The following GABPB2 variants were observed in gnomAD, a reference collection of about 807,000 sequenced individuals.
The protein encoded by GABPB2 is GA-binding protein subunit beta-2.
GABPB2 carries 23 observed loss-of-function variants against 39.1 expected under a neutral mutation model. The observed-to-expected ratio is 0.59, with a 90% CI of 0.42 to 0.83. The LOEUF (loss-of-function observed/expected upper bound fraction) is 0.83, where lower values mean the gene tolerates loss of function less well. GABPB2 is among the 40% of genes least tolerant of loss of function. The probability of loss-of-function intolerance (pLI) is 0.00; values close to 1 mark genes in which losing one functional copy is unlikely to be tolerated. For missense variants in GABPB2, 467 were observed against 541.1 expected, an observed-to-expected ratio of 0.86 and a Z score of 1.36; for synonymous variants, 184 against 199.3, an observed-to-expected ratio of 0.92 and a Z score of 0.65.
intron 4 of GABPB2, among the ~76,000 whole-genome samples, chr1:151,095,880 A>G (rs1197786240): frequency 6.6e-6 from 1 of 152,000 alleles, no homozygotes; most frequent in East Asian, 1.9e-4. Flanking sequence ...CTAAAAATAC[A>G]GAAATTAGCT....
At chr1:151,109,066 T>A (rs1680181547) in intron 7 of GABPB2, among the ~76,000 whole-genome samples, 1 of 151,844 alleles carries the variant, frequency 6.6e-6, no homozygotes, top group Admixed American at 6.6e-5. Context: ...TGGCACGTGC[T>A]TATAGTCCCA....
chr1:151,088,439 A>G (rs1009756955), intron 2 of GABPB2, 142 bp downstream of exon 2: 8 of 1,354,074 alleles, frequency 5.9e-6, no homozygotes, highest in Non-Finnish European at 8.1e-6. Flanking sequence ...TCTTTGTCTC[A>G]TCTGAATATG....
At position 151,124,023 on chromosome 1, in the gene GABPB2, G is replaced by A. The variant is rs1339530499; in HGVS notation, c.*5767G>A. Reference sequence around the variant, plus strand: ...ACTAAAAATACAAAAATTAGCCGGGGGTGGTGGCGCATCATCATACTGGTG... The same window carrying A: ...ACTAAAAATACAAAAATTAGCCGGGAGTGGTGGCGCATCATCATACTGGTG... On this transcript the variant is annotated 3_prime_UTR_variant, in exon 9 of 9. Transcript: ENST00000368918. 6.8e-6 allele frequency: 1 copy of A among 146,450 alleles called. No homozygotes were observed. Among genetic ancestry groups the A allele is most frequent in the Non-Finnish European group, 1.5e-5 (1 of 66,822 alleles). The allele number at this position is 146,450 out of a possible 1,614,324, so 9.1% of individuals were successfully genotyped here.
chr1:151,102,498 A>G (rs912830734), intron 5 of GABPB2, among the ~76,000 whole-genome samples: 1 of 152,134 alleles, frequency 6.6e-6, no homozygotes, highest in Non-Finnish European at 1.5e-5. Context: ...GCTGAAGTGC[A>G]GTGGTGCGAT....
At chr1:151,089,652 T>C (rs1303054396) in intron 2 of GABPB2, among the ~76,000 whole-genome samples, 2 of 152,130 alleles carry the variant, frequency 1.3e-5, no homozygotes, top group Non-Finnish European at 2.9e-5. Flanking sequence ...TTACTTTATT[T>C]ATTTATTTTT....
Position 151,121,264 on chromosome 1 carries a change from G to GC in GABPB2, c.*3009dup, listed in dbSNP as rs1471958426. On this transcript the variant is annotated 3_prime_UTR_variant, in exon 9 of 9. Transcript: ENST00000368918. The stretch of plus-strand genomic sequence containing the variant: ...TCCTTAAGCTTGGGTCTGTTACAGA[G>GC]CTTTGTGCCTTATAGGGTGCTCAGT... The GC allele has an allele frequency of 6.6e-6, 1 of 152,138 alleles. No individual in the cohort carries two copies. The highest frequency in any genetic ancestry group is 1.5e-5 in the Non-Finnish European group (1 of 68,030). 9.4% of individuals were successfully genotyped at this position (152,138 alleles called of 1,614,324 possible). A position where few individuals can be genotyped will look rare whatever the true frequency, so the allele number is the denominator to read the frequency against.
chr1:151,075,595 G>T (rs1283453947), intron 1 of GABPB2, among the ~76,000 whole-genome samples: 1 of 136,126 alleles, frequency 7.3e-6, no homozygotes, highest in African/African-American at 2.7e-5. Context: ...AAAAAATTTA[G>T]CCAGGTGGGA....
chr1:151,079,134 C>T (rs1677437664), intron 1 of GABPB2, among the ~76,000 whole-genome samples: 1 of 152,136 alleles, frequency 6.6e-6, no homozygotes, highest in Admixed American at 6.6e-5. Context: ...TTAATTATAT[C>T]TCTATATAGT....
intron 5 of GABPB2, among the ~76,000 whole-genome samples, chr1:151,101,022 A>G (rs911834761): frequency 1.6e-4 from 25 of 151,856 alleles, no homozygotes; most frequent in Non-Finnish European, 3.5e-4. Flanking sequence ...AGGCAGGTGG[A>G]TAGCTTGAAC....
At chr1:151,117,265 A>C in intron 7 of GABPB2, 127 bp from the exon 8 acceptor site, 2 of 956,032 alleles carry the variant, frequency 2.1e-6, no homozygotes, top group Non-Finnish European at 1.6e-6. Flanking sequence ...AGTAGCTAGG[A>C]CCACAGGCAC....
In GABPB2 at chr1:151,119,727, A is replaced by G; in HGVS notation, c.*1471A>G. 1 of 149,750 alleles carries G rather than the reference A, an allele frequency of 6.7e-6. No individual in the cohort carries two copies. Among genetic ancestry groups the G allele is most frequent in the Non-Finnish European group, 1.5e-5 (1 of 68,098 alleles). 9.3% of individuals were successfully genotyped at this position (149,750 alleles called of 1,614,324 possible). On this transcript the variant is annotated 3_prime_UTR_variant, in exon 9 of 9. Coordinates refer to ENST00000368918, the MANE Select transcript of GABPB2 (RefSeq NM_144618.3). Reference sequence around the variant, plus strand: ...CACTCCAGCCTGGCGACACAGTGAGACTCTGTCTCAAAAAAACAAAACAAA... The same window carrying G: ...CACTCCAGCCTGGCGACACAGTGAGGCTCTGTCTCAAAAAAACAAAACAAA...
At position 151,083,923 on chromosome 1, in the gene GABPB2, T is replaced by A. The variant is rs1677938721; in HGVS notation, c.1-4267T>A. Among the ~76,000 whole-genome samples, 2 of 150,534 alleles carry A rather than the reference T, an allele frequency of 1.3e-5. 1 individual carries two copies. Among genetic ancestry groups the A allele is most frequent in the South Asian group, 4.2e-4 (2 of 4,790 alleles). ...GCCCGGCTAATTTTTGTATTTTTAG[T>A]AGAGATGGGGTTTCATTATCTTGGA... is the stretch of plus-strand genomic sequence containing the variant. On this transcript the variant is annotated intron_variant, in intron 1 of 8. Transcript: ENST00000368918.
At chr1:151,078,860 C>T (rs977621989) in intron 1 of GABPB2, among the ~76,000 whole-genome samples, 4 of 151,522 alleles carry the variant, frequency 2.6e-5, no homozygotes, top group African/African-American at 4.8e-5. Flanking sequence ...TTAGTAGGGG[C>T]GGGATTTCAC....
At chr1:151,074,015 C>T (rs1373765012) in intron 1 of GABPB2, among the ~76,000 whole-genome samples, 1 of 135,836 alleles carries the variant, frequency 7.4e-6, no homozygotes, top group African/African-American at 2.8e-5. Context: ...CTTGCTCTGT[C>T]GCCCAGGCTG....
chr1:151,090,400 C>T lies in GABPB2; in HGVS notation c.109-6C>T, dbSNP rs41266634. 9.4e-3 allele frequency: 15,220 copies of T among 1,612,882 alleles called. 112 individuals carry two copies. Among genetic ancestry groups the T allele is most frequent in the Non-Finnish European group, 0.012 (14,155 of 1,179,274 alleles). ...TGGATATTCAATGAGCATTATTTTTCCACAGCTTGGAACATCACCCCTCCA... is the reference window on the plus strand; with the variant it reads ...TGGATATTCAATGAGCATTATTTTTTCACAGCTTGGAACATCACCCCTCCA... On this transcript the variant is annotated splice_polypyrimidine_tract_variant and splice_region_variant and intron_variant, in intron 2 of 8. Transcript: ENST00000368918.
intron 2 of GABPB2, among the ~76,000 whole-genome samples, chr1:151,089,586 G>C (rs587743418): frequency 9.9e-5 from 15 of 152,116 alleles, no homozygotes; most frequent in African/African-American, 3.6e-4. Flanking sequence ...AGTCAAATTT[G>C]TACCTCAAAT....
intron 1 of GABPB2, among the ~76,000 whole-genome samples, chr1:151,077,363 T>TTG (rs1177514507): frequency 6.8e-6 from 1 of 146,742 alleles, no homozygotes; most frequent in Non-Finnish European, 1.5e-5. Flanking sequence ...TAGGTTTTTT[T>TTG]TTTTTTTTTT....
Position 151,080,386 on chromosome 1 carries a change from C to T in GABPB2, c.1-7804C>T, listed in dbSNP as rs189991471. ...ATTAGCTGGGCATGGTGGCACATGC[C>T]TGTAATCCCAGGTACTCGGGAGGCT... is the stretch of plus-strand genomic sequence containing the variant. On this transcript the variant is annotated intron_variant, in intron 1 of 8. Coordinates refer to ENST00000368918, the MANE Select transcript of GABPB2 (RefSeq NM_144618.3). Among the ~76,000 whole-genome samples the T allele has an allele frequency of 4.9e-4, 74 of 150,616 alleles. No homozygotes were observed. In the East Asian group the frequency reaches 0.011, roughly 23 times the overall value.
rs766676700 is a variant in GABPB2, at chr1:151,081,715, A to G, written c.1-6475A>G. On this transcript the variant is annotated intron_variant, in intron 1 of 8. Transcript: ENST00000368918. ...AGTGGCGTGACCTTGGCTCACTGCA[A>G]CCACCACCTCCCAGGTTCAAGCAAT... is the stretch of plus-strand genomic sequence containing the variant. Among the ~76,000 whole-genome samples the G allele has an allele frequency of 7.2e-5, 11 of 151,864 alleles. No individual in the cohort carries two copies. The South Asian group carries it at 8.3e-4, about 12-fold the overall frequency.
Sources: allele counts gnomAD v4.1 joint callset (sites outside exome capture counted in the v4.1 genomes callset), GRCh38; gene constraint gnomAD v4.1.1; transcripts MANE v1.5; gene names NCBI Gene and HGNC (gene_info 2026-07-23, HGNC 2026-07-21).